The following PTPRG variants were observed in gnomAD, a reference collection of about 807,000 sequenced individuals.
PTPRG encodes protein tyrosine phosphatase receptor type G.
In PTPRG, 102 loss-of-function variants were observed where a neutral mutation model predicts 165.3. That is an observed-to-expected ratio of 0.62 (90% confidence interval 0.53 to 0.73). The LOEUF is 0.73. PTPRG is among the 30% of genes least tolerant of loss of function. The pLI, the probability that PTPRG is intolerant of heterozygous loss-of-function variation, is 0.00. For missense variants in PTPRG, 1,866 were observed against 1,861.4 expected, an observed-to-expected ratio of 1.00 and a Z score of -0.05; for synonymous variants, 675 against 669.5, an observed-to-expected ratio of 1.01 and a Z score of -0.13.
At chr3:61,835,070 A>C (rs1045587277) in intron 2 of PTPRG, among the ~76,000 whole-genome samples, 2 of 152,202 alleles carry the variant, frequency 1.3e-5, no homozygotes, top group African/African-American at 2.4e-5. Context: ...AATATACCTA[A>C]GATTCAGCAT....
At chr3:61,820,411 G>C (rs1049993938) in intron 2 of PTPRG, among the ~76,000 whole-genome samples, 15 of 152,116 alleles carry the variant, frequency 9.9e-5, no homozygotes, top group African/African-American at 2.7e-4. Context: ...CTCGTATTAA[G>C]TGGTGCCCAC....
chr3:61,956,453 T>A (rs113416459), intron 2 of PTPRG, among the ~76,000 whole-genome samples: 13 of 152,264 alleles, frequency 8.5e-5, no homozygotes, highest in African/African-American at 3.1e-4. Context: ...TCAGCCTCAC[T>A]ACTCACTGAA....
chr3:61,739,221 G>T (rs1389809740), intron 1 of PTPRG: 1 of 151,878 alleles, frequency 6.6e-6, no homozygotes, highest in Non-Finnish European at 1.5e-5. Flanking sequence ...TGCTTGGCTT[G>T]GAAGTGACTT....
At chr3:61,818,797 A>G in intron 2 of PTPRG, among the ~76,000 whole-genome samples, 1 of 152,012 alleles carries the variant, frequency 6.6e-6, no homozygotes, top group South Asian at 2.1e-4. Context: ...AATCACAAGA[A>G]AAAGTCATTG....
At chr3:61,601,904 A>T (rs954749330) in intron 1 of PTPRG, among the ~76,000 whole-genome samples, 4 of 152,186 alleles carry the variant, frequency 2.6e-5, no homozygotes, top group African/African-American at 9.7e-5. Flanking sequence ...AAAAGTTAGG[A>T]GCAGAGGGAA....
chr3:62,025,853 C>T (rs1396709323), intron 4 of PTPRG, among the ~76,000 whole-genome samples: 2 of 152,262 alleles, frequency 1.3e-5, no homozygotes, highest in East Asian at 3.9e-4. Context: ...CAGTGGCTTC[C>T]TTACGAATTG....
At chr3:62,076,298 C>T (rs528486512) in intron 4 of PTPRG, among the ~76,000 whole-genome samples, 5 of 151,998 alleles carry the variant, frequency 3.3e-5, no homozygotes, top group African/African-American at 1.2e-4. Flanking sequence ...GAAAAAAATA[C>T]ATATGTATAT....
At chr3:61,972,433 T>C (rs1205877930) in intron 2 of PTPRG, among the ~76,000 whole-genome samples, 1 of 150,598 alleles carries the variant, frequency 6.6e-6, no homozygotes, top group African/African-American at 2.5e-5. Flanking sequence ...TGACATGATC[T>C]GACTTAAGTT....
Position 62,282,843 on chromosome 3 carries a change from G to T in PTPRG, c.4029G>T (p.Arg1343Ser). ...TCATCAAGGAAGAGGCCTTAACAAG[G>T]GATGGTCCCACCATTGTTCATGATG... is the stretch of plus-strand genomic sequence containing the variant. ...INVIKEEALT[R>S]DGPTIVHDEY... Residue 1343 changes from arginine (R) to serine (S), a missense_variant, in exon 28 of 30, where the codon AGG becomes AGT. Arg to Ser is a moderately radical substitution (Grantham distance 110, BLOSUM62 -1). Around this residue, in one of 3 missense-constraint regions of PTPRG, gnomAD observed 1,452 missense variants for 1,463.0 expected, o/e 0.99. Transcript: ENST00000474889. 6.2e-7 allele frequency: 1 copy of T among 1,610,352 alleles called. No individual in the cohort carries two copies. The highest frequency in any genetic ancestry group is 8.5e-7 in the Non-Finnish European group (1 of 1,177,848).
At position 62,214,515 on chromosome 3, in the gene PTPRG, C is replaced by T. The variant is rs1011642726; in HGVS notation, c.2156-4336C>T. 1.3e-5 allele frequency among the ~76,000 whole-genome samples: 2 copies of T among 152,146 alleles called. No individual in the cohort carries two copies. Among genetic ancestry groups the T allele is most frequent in the Admixed American group, 1.3e-4 (2 of 15,280 alleles). ...GGCACAACGAGGTTAGGTTAGTTGC[C>T]CAAAGTTGCAAAGCTAGTAGGAGGC... On this transcript the variant is annotated intron_variant, in intron 12 of 29. Transcript: ENST00000474889. This position sits in a 1 kb window ranked among gnomAD's most constrained non-coding sequence, Gnocchi z 5.2.
At chr3:61,800,480 C>G (rs545528900) in intron 2 of PTPRG, among the ~76,000 whole-genome samples, 50 of 152,074 alleles carry the variant, frequency 3.3e-4, no homozygotes, top group Non-Finnish European at 6.0e-4. Context: ...GTTGCTAGTT[C>G]TTGATGGCGT....
At chr3:61,836,240 C>T (rs945526023) in intron 2 of PTPRG, among the ~76,000 whole-genome samples, 16 of 152,198 alleles carry the variant, frequency 1.1e-4, no homozygotes, top group Admixed American at 6.5e-4. Context: ...TTGTTTAGGC[C>T]TTTGTTATAG....
At chr3:61,773,106 A>C (rs2034261135) in intron 2 of PTPRG, among the ~76,000 whole-genome samples, 1 of 152,194 alleles carries the variant, frequency 6.6e-6, no homozygotes, top group Non-Finnish European at 1.5e-5. Flanking sequence ...TATCTTAGGA[A>C]ATATGTGTGT....
chr3:61,771,552 C>T (rs2034208479), intron 2 of PTPRG, among the ~76,000 whole-genome samples: 3 of 152,094 alleles, frequency 2.0e-5, no homozygotes, highest in South Asian at 2.1e-4. Flanking sequence ...TCTTTGGCAT[C>T]CCTTCTAACT....
At chr3:62,052,496 C>T (rs1405922017) in intron 4 of PTPRG, among the ~76,000 whole-genome samples, 2 of 152,138 alleles carry the variant, frequency 1.3e-5, no homozygotes, top group African/African-American at 4.8e-5. Flanking sequence ...AATTCGAAAC[C>T]AGCCTGGGCA....
At chr3:62,151,750 T>A (rs929955771) in intron 6 of PTPRG, among the ~76,000 whole-genome samples, 1 of 152,060 alleles carries the variant, frequency 6.6e-6, no homozygotes, top group South Asian at 2.1e-4. Context: ...CTAATTATGA[T>A]AAAAGTTGGA....
chr3:61,971,014 T>G (rs72885875), intron 2 of PTPRG, among the ~76,000 whole-genome samples: 2,269 of 152,250 alleles, frequency 0.015, 58 homozygotes, highest in African/African-American at 0.05. Flanking sequence ...GATGCCCCAG[T>G]GTGGTTTGAA....
At chr3:61,567,031 G>C (rs1460979049) in intron 1 of PTPRG, among the ~76,000 whole-genome samples, 1 of 152,212 alleles carries the variant, frequency 6.6e-6, no homozygotes, top group Non-Finnish European at 1.5e-5. Context: ...TAGGGCATCT[G>C]AAGTTCCCTC....
intron 2 of PTPRG, among the ~76,000 whole-genome samples, chr3:61,955,884 A>T (rs1222359910): frequency 6.6e-6 from 1 of 152,156 alleles, no homozygotes; most frequent in East Asian, 1.9e-4. Flanking sequence ...GTTTCATAGC[A>T]CTGTGGAGTG....
Sources: allele counts gnomAD v4.1 joint callset (sites outside exome capture counted in the v4.1 genomes callset), GRCh38; gene constraint gnomAD v4.1.1; regional missense constraint gnomAD v4.1.1; non-coding constraint Gnocchi (gnomAD v3.1); transcripts MANE v1.5; gene names NCBI Gene and HGNC (gene_info 2026-07-23, HGNC 2026-07-21).